The following JAZF1 variants were observed in gnomAD, a reference collection of about 807,000 sequenced individuals.
JAZF1 encodes juxtaposed with another zinc finger protein 1.
In JAZF1, 8 loss-of-function variants were observed where a neutral mutation model predicts 26.4. The observed-to-expected ratio is 0.30, with a 90% CI of 0.18 to 0.55. The LOEUF is 0.55. Ranked by LOEUF, JAZF1 falls within the 20% of genes least tolerant of loss-of-function variation. The pLI is 0.94. For missense variants in JAZF1, 199 were observed against 322.0 expected, an observed-to-expected ratio of 0.62 and a Z score of 2.92; for synonymous variants, 126 against 122.3, an observed-to-expected ratio of 1.03 and a Z score of -0.20.
At chr7:28,136,429 C>T (rs1320695158) in intron 1 of JAZF1, among the ~76,000 whole-genome samples, 1 of 152,152 alleles carries the variant, frequency 6.6e-6, no homozygotes, top group Non-Finnish European at 1.5e-5. Flanking sequence ...GACAGAAATC[C>T]CTGGACACAT....
intron 2 of JAZF1, among the ~76,000 whole-genome samples, chr7:27,904,143 A>T (rs1784210081): frequency 6.6e-6 from 1 of 152,232 alleles, no homozygotes; most frequent in Admixed American, 6.5e-5. Flanking sequence ...AGAACCAGTA[A>T]GTAAGCAAAA....
At chr7:27,855,174 A>G (rs1208636872) in intron 3 of JAZF1, among the ~76,000 whole-genome samples, 1 of 151,992 alleles carries the variant, frequency 6.6e-6, no homozygotes, top group Non-Finnish European at 1.5e-5. Flanking sequence ...ACTTGTGTCA[A>G]TGAGAACAAA....
chr7:28,173,488 A>G (rs1195720403), intron 1 of JAZF1, among the ~76,000 whole-genome samples: 1 of 152,200 alleles, frequency 6.6e-6, no homozygotes, highest in Non-Finnish European at 1.5e-5. Context: ...TTATTTATAT[A>G]TGTGTTAGAT....
chr7:27,928,923 A>C (rs1210736850), intron 2 of JAZF1, among the ~76,000 whole-genome samples: 1 of 152,214 alleles, frequency 6.6e-6, no homozygotes, highest in South Asian at 2.1e-4. Flanking sequence ...GCATATGTAC[A>C]TATGAAAATA....
At chr7:27,897,118 T>G (rs188) in intron 2 of JAZF1, among the ~76,000 whole-genome samples, 65,595 of 151,816 alleles carry the variant, frequency 0.43, 14,333 homozygotes, top group East Asian at 0.57. Flanking sequence ...CTGCTAACTA[T>G]CATGGTGCTG....
chr7:28,174,821 G>GGGGTGT lies in JAZF1; in HGVS notation c.115+5641_115+5642insACACCC, dbSNP rs758961535. On this transcript the variant is annotated intron_variant, in intron 1 of 4. Coordinates refer to ENST00000283928, the MANE Select transcript of JAZF1 (RefSeq NM_175061.4). ...CCTGATCCTGCCTATGGGGTGTGTG[G>GGGGTGT]GTGTGTGTGTGTGTGTGTGTGTGTG... 4.6e-4 allele frequency among the ~76,000 whole-genome samples: 49 copies of GGGGTGT among 107,688 alleles called. 10 individuals are homozygous for GGGGTGT. The highest frequency in any genetic ancestry group is 7.2e-4 in the Non-Finnish European group (31 of 43,112). The allele number at this position is 107,688 out of a possible 152,430, so 70.6% of individuals were successfully genotyped here. A position where few individuals can be genotyped will look rare whatever the true frequency, so the allele number is the denominator to read the frequency against.
intron 3 of JAZF1, among the ~76,000 whole-genome samples, chr7:27,873,436 C>A (rs1006618045): frequency 1.3e-5 from 2 of 152,202 alleles, no homozygotes; most frequent in Non-Finnish European, 2.9e-5. Context: ...TATGCATATG[C>A]TTCCCGAACC....
chr7:27,897,898 C>A (rs1784098243), intron 2 of JAZF1, among the ~76,000 whole-genome samples: 1 of 152,184 alleles, frequency 6.6e-6, no homozygotes, highest in African/African-American at 2.4e-5. Flanking sequence ...ATCTGTGAGT[C>A]TGAATGTTCA....
At chr7:27,996,682 C>G (rs935439998) in intron 1 of JAZF1, among the ~76,000 whole-genome samples, 2 of 152,224 alleles carry the variant, frequency 1.3e-5, no homozygotes, top group Non-Finnish European at 2.9e-5. Context: ...GCATCCTCCT[C>G]TTCCTCACTC....
At chr7:28,121,208 G>GA (rs1267360053) in intron 1 of JAZF1, among the ~76,000 whole-genome samples, 7 of 129,110 alleles carry the variant, frequency 5.4e-5, no homozygotes, top group Non-Finnish European at 6.7e-5. Flanking sequence ...AAAAGAAAAG[G>GA]AAAAAAAAAT....
At chr7:27,897,712 C>T (rs1406243729) in intron 2 of JAZF1, among the ~76,000 whole-genome samples, 1 of 152,170 alleles carries the variant, frequency 6.6e-6, no homozygotes, top group Admixed American at 6.5e-5. Context: ...ATGCCCAGAG[C>T]GTGTTTCAAG....
At chr7:27,863,020 CT>C (rs1323543142) in intron 3 of JAZF1, among the ~76,000 whole-genome samples, 2 of 152,162 alleles carry the variant, frequency 1.3e-5, no homozygotes, top group Non-Finnish European at 2.9e-5. Context: ...AGGGCTGCTT[CT>C]GGGTAGGGCC....
intron 3 of JAZF1, among the ~76,000 whole-genome samples, chr7:27,871,957 T>G (rs933582178): frequency 7.2e-5 from 11 of 152,214 alleles, no homozygotes; most frequent in African/African-American, 2.7e-4. Context: ...CGGGGCTCAC[T>G]TCAGAAAATG....
Position 27,831,021 on chromosome 7 carries a change from G to GTAGA in JAZF1, c.*1775_*1778dup, listed in dbSNP as rs982311757. On this transcript the variant is annotated 3_prime_UTR_variant, in exon 5 of 5. Coordinates refer to ENST00000283928, the MANE Select transcript of JAZF1 (RefSeq NM_175061.4). ...AAAAATTTTTTTTGGTCAATTGTAG[G>GTAGA]TAGATATGAAATAGCCAAGTGGGGC... 5 of 220,288 alleles carry GTAGA rather than the reference G, an allele frequency of 2.3e-5. No individual in the cohort carries two copies. Among genetic ancestry groups the GTAGA allele is most frequent in the Admixed American group, 1.2e-4 (2 of 17,310 alleles). The allele number at this position is 220,288 out of a possible 1,614,324, so 13.6% of individuals were successfully genotyped here.
chr7:28,066,953 C>A (rs1050534857), intron 1 of JAZF1, among the ~76,000 whole-genome samples: 4 of 152,196 alleles, frequency 2.6e-5, no homozygotes, highest in Non-Finnish European at 5.9e-5. Context: ...GAAGAACTAG[C>A]AGGTACCTCC....
intron 2 of JAZF1, among the ~76,000 whole-genome samples, chr7:27,934,377 T>C (rs1371626952): frequency 6.6e-6 from 1 of 151,826 alleles, no homozygotes; most frequent in Non-Finnish European, 1.5e-5. Flanking sequence ...AGAGAGAAAA[T>C]GCAATAGCAC....
intron 1 of JAZF1, among the ~76,000 whole-genome samples, chr7:28,037,124 T>C (rs2128376273): frequency 1.3e-5 from 2 of 152,234 alleles, no homozygotes; most frequent in Middle Eastern, 6.8e-3. Flanking sequence ...CACCTCTGCC[T>C]GAAAAGAGAC....
Position 27,924,877 on chromosome 7 carries a change from T to C in JAZF1, c.189-29461A>G, listed in dbSNP as rs553416219. Among the ~76,000 whole-genome samples the C allele has an allele frequency of 3.3e-5, 5 of 152,382 alleles. No homozygotes were observed. In the East Asian group the frequency reaches 9.6e-4, roughly 29 times the overall value. On this transcript the variant is annotated intron_variant, in intron 2 of 4. Coordinates refer to ENST00000283928, the MANE Select transcript of JAZF1 (RefSeq NM_175061.4). ...GTTTCTCTGTAAGTAAGCACAAGTCTAGCATCCCTTGGAACACAACATGAC... is the reference window on the plus strand; with the variant it reads ...GTTTCTCTGTAAGTAAGCACAAGTCCAGCATCCCTTGGAACACAACATGAC...
At chr7:27,943,592 G>A (rs531649509) in intron 2 of JAZF1, among the ~76,000 whole-genome samples, 1 of 152,168 alleles carries the variant, frequency 6.6e-6, no homozygotes, top group East Asian at 1.9e-4. Flanking sequence ...TCGATATGAT[G>A]CCAAGTTAGT....
Sources: gnomAD v4.1 joint callset for allele counts (sites outside exome capture counted in the v4.1 genomes callset) on GRCh38, gnomAD v4.1.1 for gene constraint, MANE v1.5 for transcripts, NCBI Gene and HGNC (gene_info 2026-07-23, HGNC 2026-07-21) for gene names.